Variants in SUCLG2 observed in about 807,000 individuals in gnomAD.
The protein encoded by SUCLG2 is succinate--CoA ligase [GDP-forming] subunit beta, mitochondrial.
In SUCLG2, 42 loss-of-function variants were observed where a neutral mutation model predicts 47.9. That is an observed-to-expected ratio of 0.88 (90% CI 0.69 to 1.14). The LOEUF is 1.14. Ranked by LOEUF, SUCLG2 falls within the 50% of genes most tolerant of loss-of-function variation. The probability of loss-of-function intolerance (pLI) is 0.00; values close to 1 mark genes in which losing one functional copy is unlikely to be tolerated. For missense variants in SUCLG2, 571 were observed against 525.9 expected (o/e 1.09, Z -0.84); for synonymous variants, 195 against 197.3 (o/e 0.99, Z 0.10).
At chr3:67,536,671 G>T (rs1706551535) in intron 2 of SUCLG2, among the ~76,000 whole-genome samples, 1 of 152,198 alleles carries the variant, frequency 6.6e-6, no homozygotes, top group Non-Finnish European at 1.5e-5. Flanking sequence ...TCTCCAGACA[G>T]CCAATGCAGA....
At chr3:67,417,509 G>A (rs1703063330) in intron 9 of SUCLG2, among the ~76,000 whole-genome samples, 1 of 152,166 alleles carries the variant, frequency 6.6e-6, no homozygotes. Flanking sequence ...CTTAATAATG[G>A]TGCGACACGA....
intron 9 of SUCLG2, among the ~76,000 whole-genome samples, chr3:67,474,845 G>A (rs532405573): frequency 6.6e-6 from 1 of 152,050 alleles, no homozygotes; most frequent in Non-Finnish European, 1.5e-5. Context: ...TTCCACAGGC[G>A]TATGGGTTGT....
chr3:67,381,531 C>T (rs1702158072), intron 10 of SUCLG2, among the ~76,000 whole-genome samples: 1 of 152,194 alleles, frequency 6.6e-6, no homozygotes, highest in South Asian at 2.1e-4. Context: ...CTCCTTCCCA[C>T]ATTTAAATGG....
intron 2 of SUCLG2, among the ~76,000 whole-genome samples, chr3:67,591,848 A>G (rs910727020): frequency 6.6e-6 from 1 of 152,190 alleles, no homozygotes; most frequent in East Asian, 1.9e-4. Context: ...ATTCCCCTTT[A>G]GAGTTCATCA....
chr3:67,447,609 C>T (rs969570208), intron 9 of SUCLG2, among the ~76,000 whole-genome samples: 5 of 152,192 alleles, frequency 3.3e-5, no homozygotes, highest in Non-Finnish European at 2.9e-5. Flanking sequence ...TTGACTCCCA[C>T]AACAGAAGTA....
At chr3:67,491,097 G>A (rs1705190670) in intron 9 of SUCLG2, among the ~76,000 whole-genome samples, 1 of 152,060 alleles carries the variant, frequency 6.6e-6, no homozygotes, top group African/African-American at 2.4e-5. Flanking sequence ...CCAGGCGGGA[G>A]GACCCCTTGA....
chr3:67,507,959 T>TACC (rs1705683490), intron 7 of SUCLG2, among the ~76,000 whole-genome samples: 1 of 151,634 alleles, frequency 6.6e-6, no homozygotes, highest in South Asian at 2.1e-4. Context: ...CTTTACCCCT[T>TACC]ACCACACACA....
chr3:67,400,874 A>G (rs762152180), intron 9 of SUCLG2, 23 bp from the exon 10 acceptor site: 5 of 1,612,364 alleles, frequency 3.1e-6, no homozygotes, highest in Non-Finnish European at 3.4e-6. Flanking sequence ...ATAAAAAGTT[A>G]CCAATCAAAA....
intron 9 of SUCLG2, among the ~76,000 whole-genome samples, chr3:67,429,008 C>T (rs981836244): frequency 6.6e-6 from 1 of 152,158 alleles, no homozygotes. Flanking sequence ...GAGAATGGAA[C>T]CAAGTTGGAA....
intron 7 of SUCLG2, among the ~76,000 whole-genome samples, chr3:67,502,677 C>G (rs559824128): frequency 2.6e-5 from 4 of 152,332 alleles, no homozygotes; most frequent in African/African-American, 9.6e-5. Context: ...GAACTCTCCT[C>G]TCTTCCTAAC....
chr3:67,637,849 G>C (rs908934745), intron 1 of SUCLG2, among the ~76,000 whole-genome samples: 1 of 152,112 alleles, frequency 6.6e-6, no homozygotes, highest in Non-Finnish European at 1.5e-5. Context: ...GCTATAAGAG[G>C]ACAGTTAAAC....
intron 2 of SUCLG2, among the ~76,000 whole-genome samples, chr3:67,577,013 A>G (rs1323730844): frequency 2.6e-5 from 4 of 152,206 alleles, no homozygotes; most frequent in African/African-American, 7.2e-5. Context: ...GGTCTAAGGA[A>G]AGAATTAAGT....
At chr3:67,471,943 CAT>C (rs1704616129) in intron 9 of SUCLG2, among the ~76,000 whole-genome samples, 1 of 151,512 alleles carries the variant, frequency 6.6e-6, no homozygotes, top group African/African-American at 2.4e-5. Context: ...TTAAAGAAAA[CAT>C]ATTAGATATA....
chr3:67,397,382 G>GACAA (rs1483394719), intron 10 of SUCLG2, among the ~76,000 whole-genome samples: 9 of 150,548 alleles, frequency 6.0e-5, no homozygotes, highest in Non-Finnish European at 1.0e-4. Context: ...ACCAATAACA[G>GACAA]ACAGAGAGCC....
At chr3:67,544,341 G>A (rs1022884304) in intron 2 of SUCLG2, among the ~76,000 whole-genome samples, 7 of 152,154 alleles carry the variant, frequency 4.6e-5, no homozygotes, top group African/African-American at 1.7e-4. Flanking sequence ...CCTAGTGGGA[G>A]GTGATTGGAT....
At chr3:67,620,892 C>A (rs1700725506) in intron 1 of SUCLG2, among the ~76,000 whole-genome samples, 1 of 152,164 alleles carries the variant, frequency 6.6e-6, no homozygotes, top group Non-Finnish European at 1.5e-5. Flanking sequence ...AAGGCAAATA[C>A]AGAGTTTAGA....
chr3:67,534,768 C>CAAAAAAAAAAAAAAAAAAAAAAAAA (rs60612549), intron 2 of SUCLG2, among the ~76,000 whole-genome samples: 1 of 34,932 alleles, frequency 2.9e-5, no homozygotes, highest in African/African-American at 8.9e-5. Flanking sequence ...ACACTGATGG[C>CAAAAAAAAAAAAAAAAAAAAAAAAA]AAAAAAAAAA....
At chr3:67,478,958 G>C (rs1704840477) in intron 9 of SUCLG2, among the ~76,000 whole-genome samples, 1 of 152,224 alleles carries the variant, frequency 6.6e-6, no homozygotes, top group Admixed American at 6.5e-5. Flanking sequence ...CATATAGGGT[G>C]TAACACCACT....
chr3:67,403,083 TTTAA>T (rs947675581), intron 9 of SUCLG2, among the ~76,000 whole-genome samples: 9 of 152,154 alleles, frequency 5.9e-5, no homozygotes, highest in African/African-American at 2.2e-4. Flanking sequence ...GTATCTCGTG[TTTAA>T]TTAGAGTCCG....
Sources: allele counts gnomAD v4.1 joint callset (sites outside exome capture counted in the v4.1 genomes callset), GRCh38; gene constraint gnomAD v4.1.1; transcripts MANE v1.5; gene names NCBI Gene and HGNC (gene_info 2026-07-23, HGNC 2026-07-21).